Variants in MACROD2 observed in about 807,000 individuals in gnomAD.
MACROD2 encodes the protein mono-ADP ribosylhydrolase 2, also known as ADP-ribose glycohydrolase MACROD2.
Under a neutral mutation model 70.4 loss-of-function variants are expected in MACROD2, and 36 were observed. The ratio of observed to expected loss-of-function variants is 0.51; its 90% CI spans 0.39 to 0.68. The LOEUF is 0.68. MACROD2 is among the 30% of genes least tolerant of loss of function. MACROD2 has a pLI of 0.00. For missense variants in MACROD2, 496 were observed against 538.4 expected, an observed-to-expected ratio of 0.92 and a Z score of 0.78; for synonymous variants, 172 against 178.8, an observed-to-expected ratio of 0.96 and a Z score of 0.30.
chr20:14,163,114 A>G (rs1171964632), intron 3 of MACROD2, among the ~76,000 whole-genome samples: 1 of 152,124 alleles, frequency 6.6e-6, no homozygotes, highest in African/African-American at 2.4e-5. Flanking sequence ...GACTCCCTTA[A>G]GCCTTTATTG....
chr20:15,962,392 C>CCT (rs1307395519), intron 12 of MACROD2, among the ~76,000 whole-genome samples: 9 of 152,130 alleles, frequency 5.9e-5, no homozygotes, highest in Non-Finnish European at 1.0e-4. Context: ...CCTGAATTTC[C>CCT]CTAGAGTTAT....
intron 5 of MACROD2, among the ~76,000 whole-genome samples, chr20:15,208,264 C>T (rs559241097): frequency 6.6e-6 from 1 of 152,062 alleles, no homozygotes; most frequent in Non-Finnish European, 1.5e-5. Flanking sequence ...CTAAAATTTT[C>T]ATTTGGTTCT....
rs1569109470 is a variant in MACROD2, at chr20:14,003,014, T to TAATA, written c.163+611_163+614dup. Among the ~76,000 whole-genome samples the TAATA allele has an allele frequency of 2.6e-5, 4 of 152,108 alleles. No individual in the cohort carries two copies. The East Asian group carries it at 7.7e-4, about 29-fold the overall frequency. ...CGTGAAAAAGTTTCTAAAAACAACA[T>TAATA]AATAGATTTAATGGATGTTTAATAT... On this transcript the variant is annotated intron_variant, in intron 2 of 17. Transcript: ENST00000684519.
chr20:15,385,660 A>T (rs1939824151), intron 6 of MACROD2, among the ~76,000 whole-genome samples: 1 of 152,074 alleles, frequency 6.6e-6, no homozygotes, highest in African/African-American at 2.4e-5. Context: ...AGGTCCATTA[A>T]TTTTCTGTGA....
intron 3 of MACROD2, among the ~76,000 whole-genome samples, chr20:14,401,003 G>A (rs183014929): frequency 4.6e-5 from 7 of 152,120 alleles, no homozygotes; most frequent in East Asian, 1.9e-4. Context: ...TATCCACATC[G>A]GTCTATACAG....
At chr20:15,721,537 C>T (rs1023590743) in intron 8 of MACROD2, among the ~76,000 whole-genome samples, 3 of 152,024 alleles carry the variant, frequency 2.0e-5, no homozygotes, top group African/African-American at 7.2e-5. Flanking sequence ...ACAATACCAA[C>T]GTGTCCACAA....
chr20:15,327,915 A>G (rs745424400), intron 6 of MACROD2, among the ~76,000 whole-genome samples: 1 of 152,284 alleles, frequency 6.6e-6, no homozygotes, highest in Non-Finnish European at 1.5e-5. Context: ...TACTTGACAC[A>G]TATCAGTTAA....
chr20:14,897,725 A>G (rs918138321), intron 5 of MACROD2, among the ~76,000 whole-genome samples: 1 of 152,224 alleles, frequency 6.6e-6, no homozygotes, highest in African/African-American at 2.4e-5. Context: ...CTGCTGTAAC[A>G]GAATACCATA....
intron 8 of MACROD2, among the ~76,000 whole-genome samples, chr20:15,824,804 G>C (rs1367321662): frequency 6.6e-6 from 1 of 152,214 alleles, no homozygotes; most frequent in African/African-American, 2.4e-5. Flanking sequence ...GCCAGGGCCT[G>C]TGTGAGGACT....
intron 8 of MACROD2, among the ~76,000 whole-genome samples, chr20:15,741,627 C>A (rs1009727483): frequency 4.6e-5 from 7 of 152,062 alleles, no homozygotes; most frequent in Non-Finnish European, 1.0e-4. Flanking sequence ...GATACTTTCC[C>A]CTGGGCACCA....
intron 3 of MACROD2, among the ~76,000 whole-genome samples, chr20:14,346,834 G>A (rs1009663861): frequency 6.6e-6 from 1 of 152,138 alleles, no homozygotes; most frequent in Non-Finnish European, 1.5e-5. Context: ...TTCAACAAAT[G>A]CTTATTGAAT....
At chr20:15,592,001 G>T (rs1175512651) in intron 8 of MACROD2, among the ~76,000 whole-genome samples, 6 of 152,160 alleles carry the variant, frequency 3.9e-5, no homozygotes, top group Admixed American at 3.9e-4. Context: ...CCTGTTGATC[G>T]ATTCAATGTA....
At chr20:15,506,239 A>C (rs952926072) in intron 8 of MACROD2, among the ~76,000 whole-genome samples, 1 of 152,216 alleles carries the variant, frequency 6.6e-6, no homozygotes, top group African/African-American at 2.4e-5. Flanking sequence ...ACTGCGTGGA[A>C]GCAGTTAGCC....
intron 6 of MACROD2, among the ~76,000 whole-genome samples, chr20:15,406,342 A>G (rs58675897): frequency 0.052 from 7,921 of 152,288 alleles, 586 homozygotes; most frequent in African/African-American, 0.16. Context: ...TGCCAGGCCT[A>G]TAAATGTCAA....
Position 14,114,445 on chromosome 20 carries a change from G to T in MACROD2, c.271+28717G>T, listed in dbSNP as rs773213387. Among the ~76,000 whole-genome samples, 12 of 152,080 alleles carry T rather than the reference G, an allele frequency of 7.9e-5. 1 individual carries two copies. In the South Asian group the frequency reaches 1.7e-3, roughly 21 times the overall value. On this transcript the variant is annotated intron_variant, in intron 3 of 17. Coordinates refer to ENST00000684519, the MANE Select transcript of MACROD2 (RefSeq NM_001351661.2). ...ATGACAACAAAAGAATACAATAAAA[G>T]ATGACAGAGTGATTGATTGTCCAAA...
At chr20:14,640,157 T>G (rs904828412) in intron 4 of MACROD2, among the ~76,000 whole-genome samples, 2 of 152,222 alleles carry the variant, frequency 1.3e-5, no homozygotes, top group African/African-American at 4.8e-5. Flanking sequence ...ATGTGAAGAC[T>G]AATTTATGTG....
chr20:14,699,638 C>A (rs1177148400), intron 5 of MACROD2, among the ~76,000 whole-genome samples: 2 of 152,152 alleles, frequency 1.3e-5, no homozygotes, highest in Non-Finnish European at 2.9e-5. Context: ...GTCAGTCTCA[C>A]AACTTGCACT....
intron 3 of MACROD2, among the ~76,000 whole-genome samples, chr20:14,100,657 A>AATGTATATTT (rs1555919432): frequency 0.016 from 2,245 of 139,320 alleles, 24 homozygotes; most frequent in Non-Finnish European, 0.027. Flanking sequence ...AATATATATA[A>AATGTATATTT]ATATATATTT....
rs561823876 is a variant in MACROD2 at position 16,031,957 on chromosome 20, G to A, written c.1154-9244G>A. Among the ~76,000 whole-genome samples, 6 of 152,152 alleles carry A rather than the reference G, an allele frequency of 3.9e-5. No homozygotes were observed. The South Asian group carries it at 1.0e-3, about 26-fold the overall frequency. The stretch of plus-strand genomic sequence containing the variant: ...AATTGTGTGCATTATTTTTTTCTGG[G>A]AAGGTAATAGGAACATTTTAACATG... On this transcript the variant is annotated intron_variant, in intron 15 of 17. Coordinates refer to ENST00000684519, the MANE Select transcript of MACROD2 (RefSeq NM_001351661.2).
Sources: gnomAD v4.1 joint callset for allele counts (sites outside exome capture counted in the v4.1 genomes callset) on GRCh38, gnomAD v4.1.1 for gene constraint, MANE v1.5 for transcripts, NCBI Gene and HGNC (gene_info 2026-07-23, HGNC 2026-07-21) for gene names.